Variants in UNC80 observed in about 807,000 individuals in gnomAD.
UNC80 encodes protein unc-80 homolog.
A neutral mutation model predicts 384.6 loss-of-function variants in UNC80; 164 were observed. The observed-to-expected ratio is 0.43, with a 90% CI of 0.38 to 0.49. The LOEUF is 0.49. Among genes scored for constraint, UNC80 ranks in the 20% least tolerant of loss-of-function variants. The probability of loss-of-function intolerance (pLI) is 0.00; values close to 1 mark genes in which losing one functional copy is unlikely to be tolerated. For synonymous variants in UNC80, 1,486 were observed against 1,527.8 expected (o/e 0.97, Z 0.64); for missense variants, 3,330 against 4,143.0 (o/e 0.80, Z 5.39).
intron 56 of UNC80, among the ~76,000 whole-genome samples, chr2:209,975,394 A>T (rs1224163546): frequency 2.0e-5 from 3 of 152,214 alleles, no homozygotes; most frequent in Non-Finnish European, 4.4e-5. Context: ...CTGCTTCCTG[A>T]AAAATAAAAA....
chr2:209,829,829 C>T (rs9288413), intron 15 of UNC80, among the ~76,000 whole-genome samples: 20,883 of 152,130 alleles, frequency 0.14, 2,742 homozygotes, highest in African/African-American at 0.34. Context: ...AAAAACCTTA[C>T]GATTGCAGTA....
chr2:209,808,767 T>TTCTGCGCTACTCAGCGACCTAGTTGCC, intron 7 of UNC80: 1 of 59,212 alleles, frequency 1.7e-5, no homozygotes, highest in Non-Finnish European at 2.9e-5. Flanking sequence ...CCTGCGCTAC[T>TTCTGCGCTACTCAGCGACCTAGTTGCC]TCTGCGCTAC....
Position 209,831,490 on chromosome 2 carries a change from A to T in UNC80, c.2674A>T (p.Thr892Ser). 6.4e-7 allele frequency: 1 copy of T among 1,551,378 alleles called. No homozygotes were observed. The highest frequency in any genetic ancestry group is 1.2e-5 in the South Asian group (1 of 84,016). Residue 892 changes from threonine (T) to serine (S), a missense_variant, in exon 16 of 65, where the codon ACA becomes TCA. Around this residue, in one of 8 missense-constraint regions of UNC80, gnomAD observed 937 missense variants for 1,026.8 expected, o/e 0.91. Transcript: ENST00000673920. Reference protein sequence around the residue: ...NNFTTVDNKSTAQNVEGIIVS... With the variant: ...NNFTTVDNKSSAQNVEGIIVS... ...CTTCACCACAGTGGACAACAAATCC[A>T]CAGCCCAAAATGTGGAAGGCATTAT... is the stretch of plus-strand genomic sequence containing the variant.
chr2:209,827,516 A>G (rs1035798518), intron 14 of UNC80, among the ~76,000 whole-genome samples: 4 of 152,166 alleles, frequency 2.6e-5, no homozygotes, highest in Non-Finnish European at 2.9e-5. Flanking sequence ...AACACTTCCT[A>G]TGAGGGCATC....
chr2:209,909,819 A>G (rs1336279062), intron 29 of UNC80, among the ~76,000 whole-genome samples: 1 of 152,066 alleles, frequency 6.6e-6, no homozygotes, highest in African/African-American at 2.4e-5. Flanking sequence ...ACCCTATCCC[A>G]TAGCAGGGAT....
In UNC80 at chr2:209,945,032, A is replaced by ATCCT. The variant is rs1310395562; in HGVS notation, c.7051-19_7051-18insTCCT. ...ACTGTGGTGGGAGTCAATAAACAAA[A>ATCCT]ATTGTTTTTCTTTATCAGGATGCTG... is the stretch of plus-strand genomic sequence containing the variant. On this transcript the variant is annotated intron_variant, in intron 45 of 64. Transcript: ENST00000673920. 6.5e-7 allele frequency: 1 copy of ATCCT among 1,547,986 alleles called. No homozygotes were observed. The highest frequency in any genetic ancestry group is 8.7e-7 in the Non-Finnish European group (1 of 1,145,760).
chr2:209,777,132 G>C lies in UNC80; in HGVS notation c.299-126G>C, dbSNP rs2076913097. The C allele has an allele frequency of 2.7e-6, 3 of 1,103,184 alleles. No homozygotes were observed. The Admixed American group carries it at 8.0e-5, about 29-fold the overall frequency. The allele number at this position is 1,103,184 out of a possible 1,614,324, so 68.3% of individuals were successfully genotyped here. On this transcript the variant is annotated intron_variant, in intron 3 of 64. Coordinates refer to ENST00000673920, the MANE Select transcript of UNC80 (RefSeq NM_001371986.1). ...AGGGAAGTCCAAAAAGCAAGAATGA[G>C]CCCTGCTAGCAGTGGTTGTAAGAAG...
At chr2:209,923,433 A>T (rs374588476) in intron 35 of UNC80, among the ~76,000 whole-genome samples, 13 of 152,234 alleles carry the variant, frequency 8.5e-5, no homozygotes, top group African/African-American at 3.1e-4. Context: ...TTGCATTTAG[A>T]TAACTAGTTG....
chr2:209,819,093 A>T lies in UNC80; in HGVS notation c.1794A>T (p.Lys598Asn), dbSNP rs1367996256. 3 of 1,552,070 alleles carry T rather than the reference A, an allele frequency of 1.9e-6. No homozygotes were observed. The highest frequency in any genetic ancestry group is 2.6e-6 in the Non-Finnish European group (3 of 1,147,092). ...YADFFNEHMRKLCNQVPIPEM... is the reference protein window; with the variant it reads ...YADFFNEHMRNLCNQVPIPEM... ...ACTTTTTCAATGAGCATATGAGGAA[A>T]CTCTGCAACCAGGTGCCTATCCCGG... is the stretch of plus-strand genomic sequence containing the variant. The change falls in exon 12 of 65, where the codon AAA (lysine) becomes AAT (asparagine). Residue 598 changes from lysine (K) to asparagine (N), a missense_variant. By Grantham distance (94) the Lys-to-Asn change is moderately conservative. Transcript: ENST00000673920.
At chr2:209,837,847 C>A (rs1200422574) in intron 18 of UNC80, among the ~76,000 whole-genome samples, 2 of 151,628 alleles carry the variant, frequency 1.3e-5, no homozygotes, top group African/African-American at 2.4e-5. Context: ...TCTCGGCTCA[C>A]TGCAAGCTCC....
intron 56 of UNC80, among the ~76,000 whole-genome samples, chr2:209,974,011 CTT>C (rs2092947723): frequency 6.6e-6 from 1 of 152,300 alleles, no homozygotes; most frequent in African/African-American, 2.4e-5. Context: ...GAAAGCCACT[CTT>C]TGGCCCTGAA....
chr2:209,945,628 A>T (rs1340449750), intron 46 of UNC80, among the ~76,000 whole-genome samples: 1 of 152,228 alleles, frequency 6.6e-6, no homozygotes, highest in African/African-American at 2.4e-5. Context: ...TAAACACTCC[A>T]GAAAAGTATT....
chr2:209,891,580 C>T (rs931689694), intron 26 of UNC80, among the ~76,000 whole-genome samples: 1 of 151,938 alleles, frequency 6.6e-6, no homozygotes, highest in Non-Finnish European at 1.5e-5. Flanking sequence ...ATTTTAAGAA[C>T]TTTAATTTGA....
intron 22 of UNC80, 35 bp downstream of exon 22, chr2:209,849,658 C>T (rs1268895753): frequency 1.3e-6 from 2 of 1,544,318 alleles, no homozygotes; most frequent in South Asian, 1.2e-5. Flanking sequence ...ACCCTGCCCC[C>T]CATCCCAAGT....
Position 209,997,791 on chromosome 2 carries a change from T to A in UNC80, c.*2196T>A, listed in dbSNP as rs2093504986. On this transcript the variant is annotated 3_prime_UTR_variant, in exon 65 of 65. Transcript: ENST00000673920. The stretch of plus-strand genomic sequence containing the variant: ...TGGGACTACTGAAATTTTGCAGATG[T>A]GTGCATCTGTTCCATTTAAGGTGCC... The A allele has an allele frequency of 6.6e-6, 1 of 152,166 alleles. No homozygotes were observed. The highest frequency in any genetic ancestry group is 1.5e-5 in the Non-Finnish European group (1 of 68,030). 9.4% of individuals were successfully genotyped at this position (152,166 alleles called of 1,614,324 possible). A position where few individuals can be genotyped will look rare whatever the true frequency, so the allele number is the denominator to read the frequency against.
chr2:209,822,223 C>G (rs917844133), intron 13 of UNC80, among the ~76,000 whole-genome samples: 6 of 152,148 alleles, frequency 3.9e-5, no homozygotes, highest in Non-Finnish European at 5.9e-5. Flanking sequence ...GCAATTCTAA[C>G]AAACTATTGG....
At position 209,846,720 on chromosome 2, in the gene UNC80, G is replaced by A. The variant is rs77760628; in HGVS notation, c.3455-2731G>A. 1.5e-3 allele frequency among the ~76,000 whole-genome samples: 227 copies of A among 151,926 alleles called. 4 individuals are homozygous for A. The East Asian group carries it at 0.016, about 11-fold the overall frequency. ...AACAAATGCAGCTAAAATATACTGA[G>A]GCTAAAAAAGTAATCGTTATGTCTA... On this transcript the variant is annotated intron_variant, in intron 21 of 64. Coordinates refer to ENST00000673920, the MANE Select transcript of UNC80 (RefSeq NM_001371986.1).
At chr2:209,918,913 A>T (rs2089794604) in intron 33 of UNC80, among the ~76,000 whole-genome samples, 1 of 152,224 alleles carries the variant, frequency 6.6e-6, no homozygotes, top group Non-Finnish European at 1.5e-5. Flanking sequence ...AGCATTAGGC[A>T]TTGATTTCTT....
chr2:209,946,455 G>A (rs1351270845), intron 47 of UNC80, among the ~76,000 whole-genome samples: 1 of 151,974 alleles, frequency 6.6e-6, no homozygotes, highest in Non-Finnish European at 1.5e-5. Context: ...GAAAACAATA[G>A]TAAATCTTCA....
Sources: allele counts gnomAD v4.1 joint callset (sites outside exome capture counted in the v4.1 genomes callset), GRCh38; gene constraint gnomAD v4.1.1; regional missense constraint gnomAD v4.1.1; transcripts MANE v1.5; gene names NCBI Gene and HGNC (gene_info 2026-07-23, HGNC 2026-07-21).